EPAS1: variants seen among roughly 807,000 people sequenced by gnomAD.
The protein encoded by EPAS1 is endothelial PAS domain protein 1.
EPAS1 carries 23 observed loss-of-function variants against 87.9 expected under a neutral mutation model. The observed-to-expected ratio is 0.26, with a 90% CI of 0.19 to 0.37. EPAS1 has a LOEUF of 0.37. Among genes scored for constraint, EPAS1 ranks in the 10% least tolerant of loss-of-function variants. The pLI is 1.00. For missense variants in EPAS1, 1,138 were observed against 1,120.7 expected, an observed-to-expected ratio of 1.02 and a Z score of -0.22; for synonymous variants, 508 against 444.3, an observed-to-expected ratio of 1.14 and a Z score of -1.80.
Position 46,384,989 on chromosome 2 carries a change from A to G in EPAS1, c.*329A>G. ...TTCTCCTTCTCACACACAACTGTCC[A>G]TACTAACAAGTTTGGTGCATGTCTG... On this transcript the variant is annotated 3_prime_UTR_variant, in exon 16 of 16. Transcript: ENST00000263734. 2 of 360,648 alleles carry G rather than the reference A, an allele frequency of 5.5e-6. No individual in the cohort carries two copies. The highest frequency in any genetic ancestry group is 1.1e-5 in the Non-Finnish European group (2 of 189,754). The allele number at this position is 360,648 out of a possible 1,614,324, so 22.3% of individuals were successfully genotyped here.
At chr2:46,327,605 A>G (rs1333061618) in intron 1 of EPAS1, among the ~76,000 whole-genome samples, 3 of 152,244 alleles carry the variant, frequency 2.0e-5, no homozygotes, top group Admixed American at 6.5e-5. Flanking sequence ...AAGGTGGGAC[A>G]AAGTTTATAA....
At chr2:46,370,501 G>A (rs889384036) in intron 7 of EPAS1, among the ~76,000 whole-genome samples, 5 of 152,148 alleles carry the variant, frequency 3.3e-5, no homozygotes, top group African/African-American at 1.2e-4. Flanking sequence ...CTTGCTTGCT[G>A]GATCAAGGGA....
chr2:46,328,580 G>T (rs1254561737), intron 1 of EPAS1, among the ~76,000 whole-genome samples: 2 of 152,168 alleles, frequency 1.3e-5, no homozygotes, highest in East Asian at 3.9e-4. Flanking sequence ...CCTTCACAGA[G>T]CTCTCTGTTG....
intron 2 of EPAS1, among the ~76,000 whole-genome samples, chr2:46,352,412 T>C (rs2103622689): frequency 6.6e-6 from 1 of 152,342 alleles, no homozygotes; most frequent in South Asian, 2.1e-4. Flanking sequence ...ACAGATTACC[T>C]TGTGCCTAGC....
At chr2:46,314,579 C>G (rs1442420046) in intron 1 of EPAS1, among the ~76,000 whole-genome samples, 2 of 152,240 alleles carry the variant, frequency 1.3e-5, no homozygotes. Context: ...TCACAATGGA[C>G]TAGTAAGTGG....
chr2:46,382,282 G>T, intron 14 of EPAS1, 143 bp from the exon 15 acceptor site: 1 of 1,169,492 alleles, frequency 8.6e-7, no homozygotes, highest in South Asian at 1.3e-5. Context: ...TGACTTAGAT[G>T]ATGCCATCAG....
chr2:46,358,415 T>C (rs1684313599), intron 4 of EPAS1, among the ~76,000 whole-genome samples: 1 of 152,202 alleles, frequency 6.6e-6, no homozygotes, highest in African/African-American at 2.4e-5. Flanking sequence ...ATTCATGTTC[T>C]GCATGGGTAG....
intron 2 of EPAS1, among the ~76,000 whole-genome samples, chr2:46,350,372 GA>G (rs1336258120): frequency 6.6e-6 from 1 of 152,170 alleles, no homozygotes; most frequent in Non-Finnish European, 1.5e-5. Flanking sequence ...TTTTTCTTTA[GA>G]AAAGTTTCTC....
At chr2:46,333,411 C>T (rs1309207513) in intron 1 of EPAS1, among the ~76,000 whole-genome samples, 1 of 152,120 alleles carries the variant, frequency 6.6e-6, no homozygotes, top group African/African-American at 2.4e-5. Context: ...CTAAGTGTTC[C>T]AGGCAGGAGT....
At chr2:46,307,813 G>A (rs927091815) in intron 1 of EPAS1, among the ~76,000 whole-genome samples, 2 of 152,196 alleles carry the variant, frequency 1.3e-5, no homozygotes, top group African/African-American at 4.8e-5. Flanking sequence ...TCCTGCAGCT[G>A]TTTTAGGCCT....
intron 3 of EPAS1, 23 bp from the exon 4 acceptor site, chr2:46,356,701 G>A: frequency 6.4e-7 from 1 of 1,563,566 alleles, no homozygotes; most frequent in Non-Finnish European, 8.8e-7. Flanking sequence ...GAATAATGAT[G>A]CCTAACCTTG....
intron 1 of EPAS1, among the ~76,000 whole-genome samples, chr2:46,332,371 T>G (rs183285033): frequency 1.9e-4 from 29 of 149,048 alleles, no homozygotes; most frequent in Admixed American, 4.7e-4. Flanking sequence ...GGCTGGATAA[T>G]GAAGTAAAGA....
Position 46,375,182 on chromosome 2 carries a change from AAAAAAAAC to A in EPAS1, c.887-500_887-493del, listed in dbSNP as rs780142641. Among the ~76,000 whole-genome samples the A allele has an allele frequency of 0.025, 3,631 of 145,032 alleles. 95 individuals carry two copies. The highest frequency in any genetic ancestry group is 0.042 in the Admixed American group (619 of 14,820). On this transcript the variant is annotated intron_variant, in intron 7 of 15. Coordinates refer to ENST00000263734, the MANE Select transcript of EPAS1 (RefSeq NM_001430.5). The surrounding 1 kb of genome is among the most constrained non-coding windows in gnomAD (Gnocchi z 4.1). The stretch of plus-strand genomic sequence containing the variant: ...GGTATTGGTGGTGGGTCTGCTGAAA[AAAAAAAAC>A]AAAAAAAAACAAAAAAAACTGCCCT...
intron 1 of EPAS1, among the ~76,000 whole-genome samples, chr2:46,301,437 C>G (rs1028027060): frequency 2.6e-5 from 4 of 151,790 alleles, no homozygotes; most frequent in African/African-American, 9.7e-5. Context: ...ATTAGCCGGG[C>G]GTGGTGGTGG....
intron 1 of EPAS1, among the ~76,000 whole-genome samples, chr2:46,304,647 G>T (rs192434819): frequency 1.3e-5 from 2 of 152,176 alleles, no homozygotes; most frequent in Admixed American, 1.3e-4. Context: ...ACAAGAGGTG[G>T]TTCTCTCCTG....
At chr2:46,363,281 G>A (rs1684439613) in intron 6 of EPAS1, among the ~76,000 whole-genome samples, 1 of 152,160 alleles carries the variant, frequency 6.6e-6, no homozygotes, top group African/African-American at 2.4e-5. Context: ...TAGTGCTGGG[G>A]ATGATGAAAG....
intron 2 of EPAS1, among the ~76,000 whole-genome samples, chr2:46,354,060 G>T (rs1298176997): frequency 6.6e-6 from 1 of 152,240 alleles, no homozygotes; most frequent in African/African-American, 2.4e-5. Context: ...AAGCCTCTTG[G>T]TAGGAAGATC....
Position 46,360,827 on chromosome 2 carries a change from C to T in EPAS1, c.574-58C>T, listed in dbSNP as rs1684370094. ...CGGCGGTGCAGGGGATGCCTAAGGC[C>T]CTACCCCCACCCCCAGCACTCTCGG... is the stretch of plus-strand genomic sequence containing the variant. On this transcript the variant is annotated intron_variant, in intron 5 of 15. Transcript: ENST00000263734. The surrounding 1 kb of genome is among the most constrained non-coding windows in gnomAD (Gnocchi z 4.5). The T allele has an allele frequency of 6.2e-7, 1 of 1,612,190 alleles. No individual in the cohort carries two copies. The highest frequency in any genetic ancestry group is 8.5e-7 in the Non-Finnish European group (1 of 1,178,314).
chr2:46,329,365 A>G (rs1424403186), intron 1 of EPAS1, among the ~76,000 whole-genome samples: 1 of 152,128 alleles, frequency 6.6e-6, no homozygotes, highest in Non-Finnish European at 1.5e-5. Flanking sequence ...AGGCTATCCT[A>G]TTTATGGTAA....
Sources: gnomAD v4.1 joint callset for allele counts (sites outside exome capture counted in the v4.1 genomes callset) on GRCh38, gnomAD v4.1.1 for gene constraint, Gnocchi (gnomAD v3.1) non-coding constraint, MANE v1.5 for transcripts, NCBI Gene and HGNC (gene_info 2026-07-23, HGNC 2026-07-21) for gene names.